FILIP1: variants seen among roughly 807,000 people sequenced by gnomAD.
FILIP1 encodes the protein filamin-A-interacting protein 1.
A neutral mutation model predicts 102.1 loss-of-function variants in FILIP1; 61 were observed. The observed-to-expected ratio is 0.60, with a 90% CI of 0.49 to 0.74. FILIP1 has a LOEUF of 0.74. Among genes scored for constraint, FILIP1 ranks in the 30% least tolerant of loss-of-function variants. The probability of loss-of-function intolerance (pLI) is 0.00; values close to 1 mark genes in which losing one functional copy is unlikely to be tolerated. For synonymous variants in FILIP1, 491 were observed against 526.9 expected, an observed-to-expected ratio of 0.93 and a Z score of 0.93; for missense variants, 1,314 against 1,441.2, an observed-to-expected ratio of 0.91 and a Z score of 1.43.
chr6:75,356,635 G>GT (rs1167488676), intron 3 of FILIP1, among the ~76,000 whole-genome samples: 1 of 151,788 alleles, frequency 6.6e-6, no homozygotes, highest in Non-Finnish European at 1.5e-5. Context: ...CACCCAGCTA[G>GT]TTTTTGTATT....
At chr6:75,350,428 A>C (rs1431551825) in intron 4 of FILIP1, among the ~76,000 whole-genome samples, 1 of 150,320 alleles carries the variant, frequency 6.7e-6, no homozygotes, top group Non-Finnish European at 1.5e-5. Context: ...TTTACTTTTA[A>C]AACTTTCTAC....
intron 2 of FILIP1, among the ~76,000 whole-genome samples, chr6:75,395,985 C>T (rs1187234974): frequency 2.6e-5 from 4 of 151,828 alleles, no homozygotes; most frequent in Non-Finnish European, 5.9e-5. Context: ...TAAAGTAGGA[C>T]AAAAATCAAT....
chr6:75,413,428 A>G (rs1484036952), intron 2 of FILIP1, among the ~76,000 whole-genome samples: 1 of 152,162 alleles, frequency 6.6e-6, no homozygotes, highest in Admixed American at 6.6e-5. Context: ...TTTTGCTGTG[A>G]AATGCCAATG....
At chr6:75,329,746 G>A (rs1774003589) in intron 4 of FILIP1, among the ~76,000 whole-genome samples, 1 of 152,056 alleles carries the variant, frequency 6.6e-6, no homozygotes, top group African/African-American at 2.4e-5. Context: ...AACTCAGAAA[G>A]GGCATTACTT....
intron 4 of FILIP1, among the ~76,000 whole-genome samples, chr6:75,329,715 T>C (rs190878674): frequency 9.6e-4 from 147 of 152,344 alleles, no homozygotes; most frequent in Middle Eastern, 6.8e-3. Context: ...GTTAAAATAA[T>C]AGGGCATGGT....
At chr6:75,434,949 G>A (rs780264087) in intron 1 of FILIP1, among the ~76,000 whole-genome samples, 17 of 152,158 alleles carry the variant, frequency 1.1e-4, no homozygotes, top group Admixed American at 2.6e-4. Context: ...ATAATCATGC[G>A]GGTTTTGTCT....
downstream of FILIP1, among the ~76,000 whole-genome samples, chr6:75,304,307 G>A (rs1314504011): frequency 6.6e-6 from 1 of 152,116 alleles, no homozygotes; most frequent in Non-Finnish European, 1.5e-5. Context: ...TGCCTCTCAG[G>A]CTCAAGCAAT....
chr6:75,426,296 A>C (rs1263907749), intron 1 of FILIP1, among the ~76,000 whole-genome samples: 1 of 152,216 alleles, frequency 6.6e-6, no homozygotes, highest in East Asian at 1.9e-4. Flanking sequence ...AAACCAAAAG[A>C]GGACATGAAC....
chr6:75,447,762 A>G (rs1778487575), intron 1 of FILIP1, among the ~76,000 whole-genome samples: 1 of 152,124 alleles, frequency 6.6e-6, no homozygotes, highest in African/African-American at 2.4e-5. Context: ...CCTTAGCTAA[A>G]TATCCAGGTG....
At chr6:75,295,960 G>C in intron 6 of FILIP1, 1 of 1,434,754 alleles carries the variant, frequency 7.0e-7, no homozygotes, top group Non-Finnish European at 9.1e-7. Flanking sequence ...TCTATAAAGA[G>C]AAAAAAGACA....
Position 75,308,696 on chromosome 6 carries a change from C to T in FILIP1, c.3637G>A (p.Gly1213Ser). The stretch of plus-strand genomic sequence containing the variant: ...TACCCCCTTAGCCACTGCCCTCAGC[C>T]CTTCCCCCCTCCGAGAGAGGTGGTG... Reference protein sequence around the residue: ...SSTTSLGGGKG With the variant: ...SSTTSLGGGKS The change falls in exon 6 of 6, where the codon GGC becomes AGC. Residue 1213 changes from glycine (G) to serine (S), a missense_variant. Physicochemically the swap from Gly to Ser is moderately conservative, Grantham distance 56. Coordinates refer to ENST00000237172, the MANE Select transcript of FILIP1 (RefSeq NM_015687.5). 1.2e-6 allele frequency: 2 copies of T among 1,612,808 alleles called. No individual in the cohort carries two copies.
chr6:75,376,743 T>G (rs1182949529), intron 2 of FILIP1, among the ~76,000 whole-genome samples: 1 of 152,186 alleles, frequency 6.6e-6, no homozygotes, highest in Non-Finnish European at 1.5e-5. Context: ...ATTTGGTGAC[T>G]ACCCAAACCA....
chr6:75,408,466 T>C (rs746081499), intron 2 of FILIP1, among the ~76,000 whole-genome samples: 3 of 152,232 alleles, frequency 2.0e-5, no homozygotes, highest in South Asian at 4.1e-4. Flanking sequence ...CAAATGTGCA[T>C]ATTTTGCAAA....
At chr6:75,388,671 GCT>G (rs945620256) in intron 2 of FILIP1, among the ~76,000 whole-genome samples, 7 of 151,946 alleles carry the variant, frequency 4.6e-5, no homozygotes, top group African/African-American at 1.7e-4. Context: ...TCATTCTTTG[GCT>G]CTCTGTCTAT....
chr6:75,488,842 TA>T (rs1420901549), intron 1 of FILIP1, among the ~76,000 whole-genome samples: 1 of 152,170 alleles, frequency 6.6e-6, no homozygotes, highest in Non-Finnish European at 1.5e-5. Flanking sequence ...ACACACATCT[TA>T]TGAGATAACA....
chr6:75,441,045 G>T (rs565061764), intron 1 of FILIP1, among the ~76,000 whole-genome samples: 26 of 151,364 alleles, frequency 1.7e-4, no homozygotes, highest in African/African-American at 6.3e-4. Context: ...GATTTGGCAG[G>T]GTCATAGGAC....
chr6:75,479,730 G>T lies in FILIP1; in HGVS notation c.-7+13684C>A, dbSNP rs935563048. Among the ~76,000 whole-genome samples the T allele has an allele frequency of 2.6e-5, 4 of 151,958 alleles. No individual in the cohort carries two copies. In the South Asian group the frequency reaches 8.3e-4, roughly 32 times the overall value. ...CTAATAATACAAAAATTAGCCTGGC[G>T]TGGTGGCACATGCCTGTAATCCCAG... On this transcript the variant is annotated intron_variant, in intron 1 of 5. Coordinates refer to ENST00000237172, the MANE Select transcript of FILIP1 (RefSeq NM_015687.5).
intron 2 of FILIP1, among the ~76,000 whole-genome samples, chr6:75,406,438 C>T (rs1776847448): frequency 6.6e-6 from 1 of 152,118 alleles, no homozygotes; most frequent in Non-Finnish European, 1.5e-5. Flanking sequence ...CATAATCTTT[C>T]CCTCCTTTGT....
chr6:75,384,366 T>C (rs1339907079), intron 2 of FILIP1, among the ~76,000 whole-genome samples: 1 of 152,238 alleles, frequency 6.6e-6, no homozygotes, highest in African/African-American at 2.4e-5. Flanking sequence ...CAGATCTAGC[T>C]ACTTCTTCTC....
Sources: allele counts gnomAD v4.1 joint callset (sites outside exome capture counted in the v4.1 genomes callset), GRCh38; gene constraint gnomAD v4.1.1; transcripts MANE v1.5; gene names NCBI Gene and HGNC (gene_info 2026-07-23, HGNC 2026-07-21).